Variants in PPP2R2B observed in about 807,000 individuals in gnomAD.
The protein encoded by PPP2R2B is serine/threonine-protein phosphatase 2A 55 kDa regulatory subunit B beta isoform.
In PPP2R2B, 5 loss-of-function variants were observed where a neutral mutation model predicts 46.0. The ratio of observed to expected loss-of-function variants is 0.11; its 90% CI spans 0.06 to 0.23. The LOEUF is 0.23. Ranked by LOEUF, PPP2R2B falls within the 10% of genes least tolerant of loss-of-function variation. PPP2R2B has a pLI of 1.00. For synonymous variants in PPP2R2B, 215 were observed against 206.7 expected, an observed-to-expected ratio of 1.04 and a Z score of -0.34; for missense variants, 367 against 575.0, an observed-to-expected ratio of 0.64 and a Z score of 3.70.
At chr5:146,895,343 A>T (rs1762612554) in intron 1 of PPP2R2B, among the ~76,000 whole-genome samples, 1 of 152,194 alleles carries the variant, frequency 6.6e-6, no homozygotes, top group Admixed American at 6.5e-5. Flanking sequence ...CTCCTTCATT[A>T]CTTTCACCAC....
chr5:146,590,328 T>C (rs1017593061), intron 9 of PPP2R2B, 102 bp from the exon 10 acceptor site: 20 of 1,318,050 alleles, frequency 1.5e-5, no homozygotes, highest in Non-Finnish European at 1.4e-5. Flanking sequence ...ATAGGTTTTA[T>C]TAAAAACAAA....
intron 2 of PPP2R2B, among the ~76,000 whole-genome samples, chr5:146,818,133 T>A (rs954927018): frequency 6.6e-5 from 10 of 152,278 alleles, no homozygotes; most frequent in African/African-American, 2.4e-4. Flanking sequence ...AGAGGAGCCA[T>A]CCTGCTAGGA....
chr5:146,642,314 A>G (rs1581776159), intron 6 of PPP2R2B, among the ~76,000 whole-genome samples: 1 of 152,316 alleles, frequency 6.6e-6, no homozygotes, highest in East Asian at 1.9e-4. Context: ...AGAGCCACAA[A>G]TGGTTCATCA....
chr5:147,066,006 G>A (rs1757404773), intron 2 of PPP2R2B, among the ~76,000 whole-genome samples: 1 of 152,062 alleles, frequency 6.6e-6, no homozygotes, highest in Non-Finnish European at 1.5e-5. Context: ...GGTAATAACA[G>A]GTTCCTGATT....
At position 146,878,737 on chromosome 5, in the gene PPP2R2B, G is replaced by GCTGCTGCTT. The variant is rs1440987967; in HGVS notation, c.-272_-271insAAGCAGCAG. On this transcript the variant is annotated 5_prime_UTR_variant, in exon 1 of 10. Transcript: ENST00000394411. This position sits in a 1 kb window ranked among gnomAD's most constrained non-coding sequence, Gnocchi z 4.5. ...CACGCGCGCACTCGCAGCTGCTGCT[G>GCTGCTGCTT]CTGCTGCTGCTGCTGCTGCTGCAGG... 32 of 1,330,942 alleles carry GCTGCTGCTT rather than the reference G, an allele frequency of 2.4e-5. No homozygotes were observed. In the African/African-American group the frequency reaches 4.6e-4, roughly 19 times the overall value. The allele number at this position is 1,330,942 out of a possible 1,614,324, so 82.4% of individuals were successfully genotyped here. A position where few individuals can be genotyped will look rare whatever the true frequency, so the allele number is the denominator to read the frequency against.
At chr5:146,863,590 A>G (rs755511134) in intron 2 of PPP2R2B, among the ~76,000 whole-genome samples, 24 of 152,182 alleles carry the variant, frequency 1.6e-4, no homozygotes, top group Non-Finnish European at 2.1e-4. Context: ...CAACTGGGTC[A>G]CCTACTAACC....
intron 5 of PPP2R2B, among the ~76,000 whole-genome samples, chr5:146,660,817 C>T (rs977697551): frequency 2.0e-5 from 3 of 152,182 alleles, no homozygotes; most frequent in Non-Finnish European, 2.9e-5. Context: ...ATTTGACAAA[C>T]ATTTATTAAG....
intron 1 of PPP2R2B, among the ~76,000 whole-genome samples, chr5:147,051,269 C>A (rs1000387737): frequency 6.6e-6 from 1 of 152,132 alleles, no homozygotes; most frequent in South Asian, 2.1e-4. Context: ...GAATAGGTTG[C>A]GTCTGAGTCA....
chr5:146,948,446 T>C (rs1345551820), intron 1 of PPP2R2B, among the ~76,000 whole-genome samples: 1 of 152,090 alleles, frequency 6.6e-6, no homozygotes, highest in Non-Finnish European at 1.5e-5. Flanking sequence ...ATGGTAAAAT[T>C]TCAATAAATA....
At chr5:146,648,815 G>T (rs1490779966) in intron 6 of PPP2R2B, among the ~76,000 whole-genome samples, 1 of 152,132 alleles carries the variant, frequency 6.6e-6, no homozygotes, top group African/African-American at 2.4e-5. Context: ...GGAAGAATAA[G>T]GTTTACTTAG....
In PPP2R2B at chr5:146,803,726, C is replaced by G. The variant is rs532556245; in HGVS notation, c.70+74276G>C. ...AGGAATACAAGACCAAGTTAGGCAT[C>G]CCTGGGTTAAAGCCTGCCATTTATA... On this transcript the variant is annotated intron_variant, in intron 2 of 9. Coordinates refer to ENST00000394411, the MANE Select transcript of PPP2R2B (RefSeq NM_181675.4). 1.6e-4 allele frequency among the ~76,000 whole-genome samples: 24 copies of G among 152,266 alleles called. No homozygotes were observed. In the South Asian group the frequency reaches 4.6e-3, roughly 29 times the overall value.
At chr5:146,786,949 C>T (rs1229655849) in intron 2 of PPP2R2B, among the ~76,000 whole-genome samples, 3 of 152,156 alleles carry the variant, frequency 2.0e-5, no homozygotes, top group Non-Finnish European at 2.9e-5. Flanking sequence ...CAGTCAAATG[C>T]ATAAGGCTTT....
At chr5:146,623,482 G>A (rs1581740118) in intron 7 of PPP2R2B, among the ~76,000 whole-genome samples, 1 of 152,154 alleles carries the variant, frequency 6.6e-6, no homozygotes, top group Non-Finnish European at 1.5e-5. Context: ...ACAATACTTT[G>A]TTAACACTTA....
intron 2 of PPP2R2B, among the ~76,000 whole-genome samples, chr5:146,857,888 T>C (rs912044396): frequency 2.0e-5 from 3 of 152,214 alleles, no homozygotes; most frequent in African/African-American, 7.2e-5. Flanking sequence ...GGTTTCTCCA[T>C]GTTGGTCAGG....
At chr5:146,897,468 CT>C (rs1762682976) in intron 1 of PPP2R2B, among the ~76,000 whole-genome samples, 1 of 152,130 alleles carries the variant, frequency 6.6e-6, no homozygotes, top group Non-Finnish European at 1.5e-5. Context: ...GAATTAGGGA[CT>C]ACAAAATACA....
At chr5:147,007,726 G>A (rs1015634658) in intron 1 of PPP2R2B, among the ~76,000 whole-genome samples, 3 of 152,112 alleles carry the variant, frequency 2.0e-5, no homozygotes, top group Non-Finnish European at 4.4e-5. Context: ...CCAGAAGGAA[G>A]AAACAACTCC....
At chr5:146,797,584 T>G (rs1483578976) in intron 2 of PPP2R2B, among the ~76,000 whole-genome samples, 1 of 152,214 alleles carries the variant, frequency 6.6e-6, no homozygotes, top group Non-Finnish European at 1.5e-5. Context: ...CAAGGTATAT[T>G]TGTAACCTCG....
chr5:147,033,122 A>C (rs563088957), intron 1 of PPP2R2B, among the ~76,000 whole-genome samples: 24 of 152,344 alleles, frequency 1.6e-4, no homozygotes, highest in South Asian at 4.1e-4. Flanking sequence ...ACTCAAATTA[A>C]GAATGCAATC....
intron 2 of PPP2R2B, among the ~76,000 whole-genome samples, chr5:146,743,437 A>G (rs577992870): frequency 1.3e-5 from 2 of 152,304 alleles, no homozygotes; most frequent in Admixed American, 1.3e-4. Context: ...GGTACATAAA[A>G]GATATTCTTT....
Sources: gnomAD v4.1 joint callset for allele counts (sites outside exome capture counted in the v4.1 genomes callset) on GRCh38, gnomAD v4.1.1 for gene constraint, Gnocchi (gnomAD v3.1) non-coding constraint, MANE v1.5 for transcripts, NCBI Gene and HGNC (gene_info 2026-07-23, HGNC 2026-07-21) for gene names.